The following MYL3 variants were observed in gnomAD, a reference collection of about 807,000 sequenced individuals.
MYL3 encodes the protein CMLC1.
MYL3 carries 11 observed loss-of-function variants against 21.3 expected under a neutral mutation model. The ratio of observed to expected loss-of-function variants is 0.52; its 90% confidence interval spans 0.32 to 0.85. MYL3 has a LOEUF of 0.85. MYL3 is among the 40% of genes least tolerant of loss of function. The pLI is 0.03. For synonymous variants in MYL3, 88 were observed against 91.6 expected (o/e 0.96, Z 0.22); for missense variants, 206 against 253.3 (o/e 0.81, Z 1.27).
In MYL3 at chr3:46,861,072, A is replaced by G. The variant is rs1701988051; in HGVS notation, c.130-85T>C. 1.8e-5 allele frequency: 27 copies of G among 1,481,718 alleles called. No individual in the cohort carries two copies. Among genetic ancestry groups the G allele is most frequent in the Non-Finnish European group, 2.4e-5 (26 of 1,062,458 alleles). The allele number at this position is 1,481,718 out of a possible 1,614,324, so 91.8% of individuals were successfully genotyped here. ...CTGGGCACTCGGTGGCCAGCCCAGA[A>G]TGTCAACTGTCTCAGCCTGTCCCAT... On this transcript the variant is annotated intron_variant, in intron 1 of 6. Transcript: ENST00000292327. This position sits in a 1 kb window ranked among gnomAD's most constrained non-coding sequence, Gnocchi z 4.2.
chr3:46,858,835 C>T (rs1272149477), intron 4 of MYL3, among the ~76,000 whole-genome samples: 2 of 152,144 alleles, frequency 1.3e-5, no homozygotes, highest in Non-Finnish European at 2.9e-5. Context: ...CCACCCGCTG[C>T]TCCCCAAGTC....
rs1239991790 is a variant in MYL3, at chr3:46,859,032, TG to T, written c.481+442del. On this transcript the variant is annotated intron_variant, in intron 4 of 6. Transcript: ENST00000292327. The surrounding 1 kb of genome is among the most constrained non-coding windows in gnomAD (Gnocchi z 4.1). ...TGTTTGCTGCAGGAAAAAATCACTT[TG>T]AAGAGGGACCCCCTGCTGCAGGCAG... Among the ~76,000 whole-genome samples the T allele has an allele frequency of 6.6e-6, 1 of 151,988 alleles. No homozygotes were observed. The highest frequency in any genetic ancestry group is 1.5e-5 in the Non-Finnish European group (1 of 68,006).
Position 46,860,927 on chromosome 3 carries a change from C to T in MYL3, c.157+33G>A. ...TCAGACCAGGGAACCCCAGCCCAATCCTGCAACCCCTGGGTTCAAGACCCC... is the reference window on the plus strand; with the variant it reads ...TCAGACCAGGGAACCCCAGCCCAATTCTGCAACCCCTGGGTTCAAGACCCC... On this transcript the variant is annotated intron_variant, in intron 2 of 6. Transcript: ENST00000292327. This position sits in a 1 kb window ranked among gnomAD's most constrained non-coding sequence, Gnocchi z 4.6. 1.2e-6 allele frequency: 2 copies of T among 1,614,162 alleles called. No homozygotes were observed. Among genetic ancestry groups the T allele is most frequent in the East Asian group, 2.2e-5 (1 of 44,880 alleles).
At position 46,859,525 on chromosome 3, in the gene MYL3, C is replaced by A; in HGVS notation, c.431G>T (p.Gly144Val). The change falls in exon 4 of 7, where the codon GGC (glycine) becomes GTC (valine). Residue 144 changes from glycine (G) to valine (V), a missense_variant. Transcript: ENST00000292327. The surrounding 1 kb of genome is among the most constrained non-coding windows in gnomAD (Gnocchi z 4.1). ...VEGLRVFDKE[G>V]NGTVMGAELR... ...CTCAGCACCCATGACAGTGCCATTG[C>A]CCTCCTTGTCGAAGACCCGCAGCCC... is the stretch of plus-strand genomic sequence containing the variant. 1 of 1,614,214 alleles carries A rather than the reference C, an allele frequency of 6.2e-7. No individual in the cohort carries two copies. The highest frequency in any genetic ancestry group is 8.5e-7 in the Non-Finnish European group (1 of 1,180,046).
chr3:46,858,950 C>T (rs546498813), intron 4 of MYL3, among the ~76,000 whole-genome samples: 1 of 152,266 alleles, frequency 6.6e-6, no homozygotes, highest in Non-Finnish European at 1.5e-5. Flanking sequence ...CACATGCACA[C>T]ACAGAGAGAG....
At chr3:46,873,972 G>A (rs1024910317) in intron 1 of MYL3, among the ~76,000 whole-genome samples, 8 of 152,166 alleles carry the variant, frequency 5.3e-5, no homozygotes, top group Admixed American at 4.6e-4. Flanking sequence ...GTTAAGCCCA[G>A]AACCTCCTCC....
chr3:46,871,702 G>A (rs1435583628), intron 1 of MYL3, among the ~76,000 whole-genome samples: 1 of 152,222 alleles, frequency 6.6e-6, no homozygotes, highest in East Asian at 1.9e-4. Context: ...CCCAAATGCA[G>A]AGCCTAGAGC....
chr3:46,865,923 G>A (rs1357735629), upstream of MYL3, among the ~76,000 whole-genome samples: 1 of 152,134 alleles, frequency 6.6e-6, no homozygotes, highest in Admixed American at 6.5e-5. This position sits in a 1 kb window ranked among gnomAD's most constrained non-coding sequence, Gnocchi z 4.3. Context: ...CTGATTCTGG[G>A]CATGTCCCTG....
At chr3:46,875,427 C>T (rs1393550699) in intron 1 of MYL3, among the ~76,000 whole-genome samples, 1 of 152,216 alleles carries the variant, frequency 6.6e-6, no homozygotes, top group Non-Finnish European at 1.5e-5. Flanking sequence ...TATGCAGCCT[C>T]AGCAAGGACA....
intron 1 of MYL3, among the ~76,000 whole-genome samples, chr3:46,869,954 C>T (rs1011211954): frequency 6.6e-5 from 10 of 151,634 alleles, no homozygotes; most frequent in Non-Finnish European, 7.4e-5. Context: ...TGGGCCATCA[C>T]GGAGAAACTG....
In MYL3 at chr3:46,859,480, G is replaced by A. The variant is rs748832105; in HGVS notation, c.476C>T (p.Thr159Met). ...GGGGAGGAGGCTGCCCTCACCCAGC[G>A]TGGCCAGCACGTGGCGAAGCTCAGC... ...MGAELRHVLA[T>M]LGERLTEDEV... The change falls in exon 4 of 7, where the codon ACG becomes ATG. Residue 159 changes from threonine to methionine, a missense_variant. Transcript: ENST00000292327. This position sits in a 1 kb window ranked among gnomAD's most constrained non-coding sequence, Gnocchi z 4.1. 144 of 1,614,008 alleles carry A rather than the reference G, an allele frequency of 8.9e-5. No individual in the cohort carries two copies. Among genetic ancestry groups the A allele is most frequent in the Non-Finnish European group, 1.1e-4 (132 of 1,180,020 alleles).
chr3:46,871,328 C>A (rs9836801), intron 1 of MYL3, among the ~76,000 whole-genome samples: 7,427 of 151,998 alleles, frequency 0.049, 618 homozygotes, highest in African/African-American at 0.17. Context: ...CCCACCCTAC[C>A]CTGTTCACAG....
chr3:46,858,122 G>A, intron 6 of MYL3, 21 bp from the exon 7 acceptor site: 1 of 1,297,882 alleles, frequency 7.7e-7, no homozygotes, highest in Non-Finnish European at 1.1e-6. Context: ...AGGCAGTGCA[G>A]ATTACAGAGG....
At chr3:46,858,803 G>T (rs1701960258) in intron 4 of MYL3, among the ~76,000 whole-genome samples, 1 of 152,144 alleles carries the variant, frequency 6.6e-6, no homozygotes. Flanking sequence ...CTTGGGAGAG[G>T]GTGGTGGAGG....
At chr3:46,865,148 C>T (rs1411478378), upstream of MYL3, among the ~76,000 whole-genome samples, 1 of 152,204 alleles carries the variant, frequency 6.6e-6, no homozygotes, top group African/African-American at 2.4e-5. The surrounding 1 kb of genome is among the most constrained non-coding windows in gnomAD (Gnocchi z 4.3). Flanking sequence ...CATCCTGTCA[C>T]TCCGCCTCAC....
At chr3:46,876,588 C>T (rs998424941) in intron 1 of MYL3, among the ~76,000 whole-genome samples, 1 of 152,212 alleles carries the variant, frequency 6.6e-6, no homozygotes, top group African/African-American at 2.4e-5. Flanking sequence ...GAGCCTGCCT[C>T]CCTGACTAAC....
At chr3:46,873,379 C>G (rs2030011782) in intron 1 of MYL3, among the ~76,000 whole-genome samples, 1 of 152,220 alleles carries the variant, frequency 6.6e-6, no homozygotes, top group Non-Finnish European at 1.5e-5. Flanking sequence ...GAGCCCAACA[C>G]ACAGTAAGGT....
At chr3:46,873,991 G>A (rs1471042432) in intron 1 of MYL3, among the ~76,000 whole-genome samples, 2 of 152,132 alleles carry the variant, frequency 1.3e-5, no homozygotes, top group South Asian at 2.1e-4. Context: ...CCACACTGGC[G>A]ACCCACCTGT....
chr3:46,879,590 T>A lies in MYL3; in HGVS notation c.-218+2484A>T, dbSNP rs561630433. The stretch of plus-strand genomic sequence containing the variant: ...AGACCTCGTCTCTACAAAAAAAAAA[T>A]TTTTTAATTACCCAGGTGTGGTAGC... On this transcript the variant is annotated intron_variant, in intron 1 of 3. Coordinates refer to the MYL3 transcript ENST00000431168. The surrounding 1 kb of genome is among the most constrained non-coding windows in gnomAD (Gnocchi z 4.7). 1.8e-4 allele frequency among the ~76,000 whole-genome samples: 28 copies of A among 151,412 alleles called. No homozygotes were observed. The highest frequency in any genetic ancestry group is 4.2e-4 in the South Asian group (2 of 4,782).
Sources: gnomAD v4.1 joint callset for allele counts (sites outside exome capture counted in the v4.1 genomes callset) on GRCh38, gnomAD v4.1.1 for gene constraint, Gnocchi (gnomAD v3.1) non-coding constraint, MANE v1.5 for transcripts, NCBI Gene and HGNC (gene_info 2026-07-23, HGNC 2026-07-21) for gene names.